Variants in IL6R observed in about 807,000 individuals in gnomAD.
IL6R encodes the protein interleukin-6 receptor subunit alpha.
IL6R carries 38 observed loss-of-function variants against 48.3 expected under a neutral mutation model. The observed-to-expected ratio is 0.79, with a 90% CI of 0.61 to 1.03. IL6R has a LOEUF of 1.03. Among genes scored for constraint, IL6R ranks in the 50% least tolerant of loss-of-function variants. IL6R has a pLI of 0.00. For missense variants in IL6R, 534 were observed against 618.3 expected, an observed-to-expected ratio of 0.86 and a Z score of 1.45; for synonymous variants, 264 against 256.2, an observed-to-expected ratio of 1.03 and a Z score of -0.29.
chr1:154,427,666 G>A (rs1252547394), intron 1 of IL6R, among the ~76,000 whole-genome samples: 1 of 152,130 alleles, frequency 6.6e-6, no homozygotes, highest in African/African-American at 2.4e-5. Flanking sequence ...AGGCAGAGCT[G>A]TCTCCGCCCC....
chr1:154,446,261 G>A (rs1392633202), intron 6 of IL6R, among the ~76,000 whole-genome samples: 5 of 152,106 alleles, frequency 3.3e-5, no homozygotes, highest in South Asian at 4.1e-4. Flanking sequence ...TGAACAAGTC[G>A]CTTTCCCTCT....
In IL6R at chr1:154,447,454, A is replaced by AT. The variant is rs1458507645; in HGVS notation, c.950-671_950-670insT. On this transcript the variant is annotated intron_variant, in intron 6 of 9. Coordinates refer to ENST00000368485, the MANE Select transcript of IL6R (RefSeq NM_000565.4). ...ACTCCATCTCAAAAAAAAAAAAAAAAATATATATATATATATATATATACA... is the reference window on the plus strand; with the variant it reads ...ACTCCATCTCAAAAAAAAAAAAAAAATATATATATATATATATATATATACA... 6.1e-3 allele frequency among the ~76,000 whole-genome samples: 424 copies of AT among 70,008 alleles called. 32 individuals are homozygous for AT. Among genetic ancestry groups the AT allele is most frequent in the Admixed American group, 8.5e-3 (41 of 4,814 alleles). 45.9% of individuals were successfully genotyped at this position (70,008 alleles called of 152,430 possible).
Position 154,405,941 on chromosome 1 carries a change from G to A in IL6R, c.85+227G>A, listed in dbSNP as rs986783807. Among the ~76,000 whole-genome samples, 1 of 152,178 alleles carries A rather than the reference G, an allele frequency of 6.6e-6. No individual in the cohort carries two copies. Among genetic ancestry groups the A allele is most frequent in the African/African-American group, 2.4e-5 (1 of 41,454 alleles). On this transcript the variant is annotated intron_variant, in intron 1 of 9. Coordinates refer to ENST00000368485, the MANE Select transcript of IL6R (RefSeq NM_000565.4). This position sits in a 1 kb window ranked among gnomAD's most constrained non-coding sequence, Gnocchi z 5.2. ...CTTGGTCCGGAGCGCTCCCCGGAAT[G>A]CCCGGTGAAGCTGTGCGGGAACCCT... is the stretch of plus-strand genomic sequence containing the variant.
chr1:154,417,596 T>C (rs1688424905), intron 1 of IL6R, among the ~76,000 whole-genome samples: 1 of 152,150 alleles, frequency 6.6e-6, no homozygotes, highest in African/African-American at 2.4e-5. Context: ...CTTTCTTTTT[T>C]TGAGACAGGG....
At chr1:154,423,981 T>C (rs1402142378) in intron 1 of IL6R, among the ~76,000 whole-genome samples, 4 of 152,220 alleles carry the variant, frequency 2.6e-5, no homozygotes, top group Non-Finnish European at 5.9e-5. Context: ...AGCTTCCCGC[T>C]GAACTGGGGT....
rs1444413710 is a variant in IL6R, at chr1:154,447,441, AAAAAAAAAAAAAAATATAT to A, written c.950-682_950-664del. Among the ~76,000 whole-genome samples, 152 of 60,772 alleles carry A rather than the reference AAAAAAAAAAAAAAATATAT, an allele frequency of 2.5e-3. 13 individuals carry two copies. The highest frequency in any genetic ancestry group is 9.5e-3 in the African/African-American group (132 of 13,846). 39.9% of individuals were successfully genotyped at this position (60,772 alleles called of 152,430 possible). A position where few individuals can be genotyped will look rare whatever the true frequency, so the allele number is the denominator to read the frequency against. ...GCAAAAGAGTGAAACTCCATCTCAAAAAAAAAAAAAAAAATATATATATATATATATATATACACACACA... is the reference window on the plus strand; with the variant it reads ...GCAAAAGAGTGAAACTCCATCTCAAAATATATATATATATATACACACACA... On this transcript the variant is annotated intron_variant, in intron 6 of 9. Coordinates refer to ENST00000368485, the MANE Select transcript of IL6R (RefSeq NM_000565.4).
At chr1:154,458,043 T>C (rs971501181) in intron 9 of IL6R, among the ~76,000 whole-genome samples, 2 of 150,382 alleles carry the variant, frequency 1.3e-5, no homozygotes, top group African/African-American at 4.9e-5. Flanking sequence ...CTTGGCTCAC[T>C]GCAACCTCCG....
chr1:154,429,561 T>C (rs1305834624), intron 2 of IL6R, 117 bp downstream of exon 2: 10 of 1,282,454 alleles, frequency 7.8e-6, no homozygotes, highest in South Asian at 1.5e-5. Flanking sequence ...CGCAAGAATT[T>C]TGGGGAAGGC....
intron 1 of IL6R, among the ~76,000 whole-genome samples, chr1:154,423,495 A>G (rs2149225283): frequency 6.8e-6 from 1 of 147,254 alleles, no homozygotes; most frequent in South Asian, 2.3e-4. Flanking sequence ...TGAGTCAGAG[A>G]TTTGGGTCAG....
intron 1 of IL6R, among the ~76,000 whole-genome samples, chr1:154,419,558 C>A (rs1329938566): frequency 6.6e-6 from 1 of 152,186 alleles, no homozygotes; most frequent in East Asian, 1.9e-4. Flanking sequence ...CTGGGTTAGG[C>A]TGGGGGCCTC....
rs1451414245 is a variant in IL6R, at chr1:154,458,348, G to A, written c.1160+3767G>A. ...AAGATAAGATTCTTAATGAGTAGAG[G>A]TAGCTCCTTGGAGGATGCAAAGCCT... On this transcript the variant is annotated intron_variant, in intron 9 of 9. Coordinates refer to ENST00000368485, the MANE Select transcript of IL6R (RefSeq NM_000565.4). 5.3e-5 allele frequency among the ~76,000 whole-genome samples: 8 copies of A among 152,258 alleles called. No individual in the cohort carries two copies. The East Asian group carries it at 1.5e-3, about 29-fold the overall frequency.
rs1019023945 is a variant in IL6R at position 154,443,774 on chromosome 1, G to A, written c.950-4351G>A. On this transcript the variant is annotated intron_variant, in intron 6 of 9. Coordinates refer to ENST00000368485, the MANE Select transcript of IL6R (RefSeq NM_000565.4). ...ATGCCAGCATGACTGCCTTTCACCC[G>A]TATCTCCTGCCAAGCCTGTCTCTCG... 5.9e-5 allele frequency among the ~76,000 whole-genome samples: 9 copies of A among 152,152 alleles called. No homozygotes were observed. The South Asian group carries it at 1.0e-3, about 17-fold the overall frequency.
chr1:154,414,660 G>T, intron 1 of IL6R: 1 of 851,492 alleles, frequency 1.2e-6, no homozygotes, highest in Non-Finnish European at 2.0e-6. Flanking sequence ...AGCTCTTGGC[G>T]AGGATGTTAC....
chr1:154,435,961 GC>G lies in IL6R; in HGVS notation c.808-5del. ...ACCTCCCCAGAGTCACCGTGCCCCC[GC>G]CCTCAGGTCAAGGACCTCCAGCATC... On this transcript the variant is annotated splice_polypyrimidine_tract_variant and splice_region_variant and intron_variant, in intron 5 of 9. Transcript: ENST00000368485. 6.3e-7 allele frequency: 1 copy of G among 1,592,716 alleles called. No homozygotes were observed. Among genetic ancestry groups the G allele is most frequent in the Non-Finnish European group, 8.6e-7 (1 of 1,164,592 alleles).
At chr1:154,431,129 C>CG (rs1191678069) in intron 3 of IL6R, among the ~76,000 whole-genome samples, 1 of 149,158 alleles carries the variant, frequency 6.7e-6, no homozygotes, top group Non-Finnish European at 1.5e-5. Flanking sequence ...CGGTGATGGG[C>CG]GGGGGAGAGG....
chr1:154,451,305 G>A (rs1292273351), intron 8 of IL6R, among the ~76,000 whole-genome samples: 2 of 152,048 alleles, frequency 1.3e-5, no homozygotes, highest in African/African-American at 2.4e-5. Flanking sequence ...ATCACCTGAG[G>A]TCAGGAGTTC....
At chr1:154,429,860 A>G (rs1369513551) in intron 2 of IL6R, among the ~76,000 whole-genome samples, 1 of 152,092 alleles carries the variant, frequency 6.6e-6, no homozygotes, top group Admixed American at 6.6e-5. Flanking sequence ...GTGTGTGTAT[A>G]TCACACACAT....
rs145323105 is a variant in IL6R, at chr1:154,441,879, G to T, written c.949+5769G>T. Among the ~76,000 whole-genome samples the T allele has an allele frequency of 2.6e-3, 402 of 152,320 alleles. 2 individuals carry two copies. The highest frequency in any genetic ancestry group is 3.9e-3 in the Admixed American group (60 of 15,306). On this transcript the variant is annotated intron_variant, in intron 6 of 9. Coordinates refer to ENST00000368485, the MANE Select transcript of IL6R (RefSeq NM_000565.4). ...TGGTAAAGTTAGTTCAGCTCTCAGAGCCTCAGTCTTGTCATCGGTAAAGTA... is the reference window on the plus strand; with the variant it reads ...TGGTAAAGTTAGTTCAGCTCTCAGATCCTCAGTCTTGTCATCGGTAAAGTA...
At chr1:154,436,207 T>C in intron 6 of IL6R, 97 bp downstream of exon 6, 1 of 1,388,076 alleles carries the variant, frequency 7.2e-7, no homozygotes. Flanking sequence ...ACTAGTGGCT[T>C]AGGCCAGGTG....
Sources: gnomAD v4.1 joint callset for allele counts (sites outside exome capture counted in the v4.1 genomes callset) on GRCh38, gnomAD v4.1.1 for gene constraint, Gnocchi (gnomAD v3.1) non-coding constraint, MANE v1.5 for transcripts, NCBI Gene and HGNC (gene_info 2026-07-23, HGNC 2026-07-21) for gene names.